The following GRM7 variants were observed in gnomAD, a reference collection of about 807,000 sequenced individuals.
The protein encoded by GRM7 is glutamate metabotropic receptor 7.
In GRM7, 35 loss-of-function variants were observed where a neutral mutation model predicts 84.5. That is an observed-to-expected ratio of 0.41 (90% CI 0.32 to 0.55). The LOEUF is 0.55. GRM7 is among the 20% of genes least tolerant of loss of function. The pLI is 0.19. For missense variants in GRM7, 1,003 were observed against 1,194.6 expected (o/e 0.84, Z 2.36); for synonymous variants, 487 against 455.1 (o/e 1.07, Z -0.89).
intron 1 of GRM7, among the ~76,000 whole-genome samples, chr3:6,990,677 A>C (rs186162617): frequency 4.0e-5 from 6 of 151,878 alleles, no homozygotes; most frequent in African/African-American, 1.4e-4. Flanking sequence ...TTATCTTCAC[A>C]CTCTCCAATT....
At chr3:7,515,650 T>G (rs1255670388) in intron 7 of GRM7, among the ~76,000 whole-genome samples, 1 of 152,052 alleles carries the variant, frequency 6.6e-6, no homozygotes, top group Non-Finnish European at 1.5e-5. Context: ...ATAGCGCTAT[T>G]AGGGTATAGC....
chr3:7,651,323 C>T (rs1274899814), intron 8 of GRM7, among the ~76,000 whole-genome samples: 1 of 152,188 alleles, frequency 6.6e-6, no homozygotes, highest in Non-Finnish European at 1.5e-5. Flanking sequence ...ATCCTGTAAG[C>T]TTCCTCCTTC....
At chr3:7,550,315 C>T (rs1298933885) in intron 7 of GRM7, among the ~76,000 whole-genome samples, 2 of 137,556 alleles carry the variant, frequency 1.5e-5, no homozygotes, top group African/African-American at 5.3e-5. Context: ...TCCCTCCCTT[C>T]CTGTCTTCCT....
intron 1 of GRM7, among the ~76,000 whole-genome samples, chr3:7,129,558 C>G (rs1358679027): frequency 6.6e-6 from 1 of 152,162 alleles, no homozygotes; most frequent in East Asian, 1.9e-4. Context: ...GTATGCCAAG[C>G]TGGGAAGGTA....
At chr3:7,338,368 G>A (rs1159750750) in intron 4 of GRM7, among the ~76,000 whole-genome samples, 1 of 151,822 alleles carries the variant, frequency 6.6e-6, no homozygotes, top group Non-Finnish European at 1.5e-5. Context: ...GGTAGTGAGT[G>A]GTAAAGACTA....
intron 2 of GRM7, among the ~76,000 whole-genome samples, chr3:7,199,866 A>G (rs1208594722): frequency 2.6e-5 from 4 of 152,210 alleles, no homozygotes; most frequent in African/African-American, 9.7e-5. Context: ...TGGAATCTTA[A>G]CATCATGCCA....
chr3:6,896,600 G>T (rs532854241), intron 1 of GRM7, among the ~76,000 whole-genome samples: 1 of 152,278 alleles, frequency 6.6e-6, no homozygotes. Context: ...CTAGCATTTA[G>T]GAGATGTTCA....
chr3:7,376,699 A>G (rs1694365404), intron 4 of GRM7, among the ~76,000 whole-genome samples: 1 of 152,216 alleles, frequency 6.6e-6, no homozygotes, highest in African/African-American at 2.4e-5. Flanking sequence ...CTTTTGCCCT[A>G]CAATATTGTA....
intron 4 of GRM7, among the ~76,000 whole-genome samples, chr3:7,341,370 CATG>C (rs1036236822): frequency 7.5e-6 from 1 of 133,014 alleles, no homozygotes; most frequent in Middle Eastern, 3.7e-3. Context: ...AAATTCAACT[CATG>C]TTTTTTTTTT....
chr3:7,446,839 G>A (rs1430048890), intron 5 of GRM7, among the ~76,000 whole-genome samples: 3 of 152,002 alleles, frequency 2.0e-5, no homozygotes, highest in African/African-American at 7.3e-5. Context: ...ATAATTTGCT[G>A]ATACATTTTA....
At chr3:7,224,982 AT>A (rs1195703506) in intron 2 of GRM7, among the ~76,000 whole-genome samples, 5 of 151,942 alleles carry the variant, frequency 3.3e-5, no homozygotes, top group Non-Finnish European at 5.9e-5. Context: ...AATTGTTAAT[AT>A]TTTTTCTTTA....
At chr3:7,651,686 C>T (rs970962498) in intron 8 of GRM7, among the ~76,000 whole-genome samples, 1 of 152,212 alleles carries the variant, frequency 6.6e-6, no homozygotes, top group Non-Finnish European at 1.5e-5. Context: ...GTCCTCTTCT[C>T]TGTCTTGCTG....
chr3:7,593,403 A>G (rs759730132), intron 8 of GRM7, among the ~76,000 whole-genome samples: 1 of 152,214 alleles, frequency 6.6e-6, no homozygotes, highest in African/African-American at 2.4e-5. Flanking sequence ...AAAGGGGAAC[A>G]AGACAAATTC....
At chr3:7,176,229 TAAA>T (rs55732650) in intron 2 of GRM7, among the ~76,000 whole-genome samples, 2,748 of 62,932 alleles carry the variant, frequency 0.044, 56 homozygotes, top group African/African-American at 0.14. Flanking sequence ...CTATAAAAAG[TAAA>T]AAAAAAAAAA....
chr3:7,130,560 G>GA (rs968563099), intron 1 of GRM7, among the ~76,000 whole-genome samples: 1,601 of 41,544 alleles, frequency 0.039, 24 homozygotes, highest in African/African-American at 0.19. Flanking sequence ...AAAAAGAAAA[G>GA]AAAAAAAAAA....
chr3:7,209,777 G>C (rs775300457), intron 2 of GRM7, among the ~76,000 whole-genome samples: 1 of 152,168 alleles, frequency 6.6e-6, no homozygotes. Context: ...TTAGCCAAGA[G>C]CCATAAGAAA....
chr3:7,531,158 C>A (rs1701021513), intron 7 of GRM7, among the ~76,000 whole-genome samples: 1 of 152,162 alleles, frequency 6.6e-6, no homozygotes, highest in African/African-American at 2.4e-5. Flanking sequence ...CAGTTTTCTG[C>A]AACTGGCTAC....
At chr3:7,691,901 C>T (rs992402020) in intron 9 of GRM7, among the ~76,000 whole-genome samples, 10 of 152,044 alleles carry the variant, frequency 6.6e-5, no homozygotes, top group Admixed American at 6.6e-5. Context: ...CCTCATGATC[C>T]GCCCACCTCA....
intron 7 of GRM7, among the ~76,000 whole-genome samples, chr3:7,504,242 A>G (rs1266670644): frequency 6.6e-6 from 1 of 152,200 alleles, no homozygotes; most frequent in African/African-American, 2.4e-5. Flanking sequence ...GGGCACATTA[A>G]TAGGTCAGAT....
Sources: allele counts gnomAD v4.1 joint callset (sites outside exome capture counted in the v4.1 genomes callset), GRCh38; gene constraint gnomAD v4.1.1; transcripts MANE v1.5; gene names NCBI Gene and HGNC (gene_info 2026-07-23, HGNC 2026-07-21).